SETX: variants seen among roughly 807,000 people sequenced by gnomAD.
SETX encodes the protein helicase senataxin.
SETX carries 90 observed loss-of-function variants against 227.2 expected under a neutral mutation model. That is an observed-to-expected ratio of 0.40 (90% confidence interval 0.33 to 0.47). The LOEUF is 0.47. Ranked by LOEUF, SETX falls within the 20% of genes least tolerant of loss-of-function variation. The probability of loss-of-function intolerance (pLI) is 0.91; values close to 1 mark genes in which losing one functional copy is unlikely to be tolerated. For missense variants in SETX, 3,052 were observed against 3,181.5 expected (o/e 0.96, Z 0.98); for synonymous variants, 1,210 against 1,113.2 (o/e 1.09, Z -1.73).
chr9:132,300,754 G>T lies in SETX; in HGVS notation c.5424C>A (p.Asn1808Lys). 6.2e-7 allele frequency: 1 copy of T among 1,613,320 alleles called. No individual in the cohort carries two copies. Reference protein sequence around the residue: ...ELAKQLYPKENDLVFLAPERI... With the variant: ...ELAKQLYPKEKDLVFLAPERI... ...TCTCAGGAGCTAAAAACACCAAATC[G>T]TTTTCCTTTGGATAAAGCTGTTTAG... is the stretch of plus-strand genomic sequence containing the variant. The change falls in exon 12 of 26, where the codon AAC becomes AAA. Residue 1808 changes from asparagine (N) to lysine (K), a missense_variant. Asn to Lys is a moderately conservative substitution (Grantham distance 94, BLOSUM62 0). Coordinates refer to ENST00000224140, the MANE Select transcript of SETX (RefSeq NM_015046.7).
At chr9:132,355,880 A>G (rs991369521), upstream of SETX, among the ~76,000 whole-genome samples, 9 of 150,210 alleles carry the variant, frequency 6.0e-5, no homozygotes, top group African/African-American at 2.2e-4. Flanking sequence ...CCAGCTACTC[A>G]GGAGGCTGAG....
In SETX at chr9:132,329,293, C is replaced by T; in HGVS notation, c.2305G>A (p.Asp769Asn). 4 of 1,613,836 alleles carry T rather than the reference C, an allele frequency of 2.5e-6. No individual in the cohort carries two copies. The highest frequency in any genetic ancestry group is 3.4e-6 in the Non-Finnish European group (4 of 1,179,878). The change falls in exon 10 of 26, where the codon GAT becomes AAT. Residue 769 changes from aspartate (D) to asparagine (N), a missense_variant. Physicochemically the swap from Asp to Asn is conservative, Grantham distance 23. Around this residue, in one of 10 missense-constraint regions of SETX, gnomAD observed 1,483 missense variants for 1,312.0 expected, o/e 1.13. Transcript: ENST00000224140. ...TTTGAGGTTTTAGCAAGAGCATCAT[C>T]CTTTAAAGAGAAATCTTCATTCGAT... ...STSNEDFSLK[D>N]DALAKTSKRK...
Position 132,327,993 on chromosome 9 carries a change from T to C in SETX, c.3605A>G (p.Asp1202Gly), listed in dbSNP as rs138167195. 1.6e-5 allele frequency: 26 copies of C among 1,613,748 alleles called. No individual in the cohort carries two copies. Among genetic ancestry groups the C allele is most frequent in the Non-Finnish European group, 1.9e-5 (22 of 1,179,950 alleles). The change falls in exon 10 of 26, where the codon GAT becomes GGT. Residue 1202 changes from aspartate (D) to glycine (G), a missense_variant. By Grantham distance (94) the Asp-to-Gly change is moderately conservative. Transcript: ENST00000224140. Reference sequence around the variant, plus strand: ...TGAATTGGGAGTTGAAGTCCTTCTATCAATACTTTTAAAATCATTTCCCAC... The same window carrying C: ...TGAATTGGGAGTTGAAGTCCTTCTACCAATACTTTTAAAATCATTTCCCAC... ...DLVGNDFKSIDRRTSTPNSRI... is the reference protein window; with the variant it reads ...DLVGNDFKSIGRRTSTPNSRI...
At position 132,327,916 on chromosome 9, in the gene SETX, T is replaced by C; in HGVS notation, c.3682A>G (p.Thr1228Ala). The change falls in exon 10 of 26, where the codon ACT becomes GCT. Residue 1228 changes from threonine (T) to alanine (A), a missense_variant. Thr to Ala is a moderately conservative substitution (Grantham distance 58). Around this residue, in one of 10 missense-constraint regions of SETX, gnomAD observed 1,483 missense variants for 1,312.0 expected, o/e 1.13. Coordinates refer to ENST00000224140, the MANE Select transcript of SETX (RefSeq NM_015046.7). The stretch of plus-strand genomic sequence containing the variant: ...ACTTTCCTGATGGGTTCTGTACAAG[T>C]ACAAAGCTTTGAAGACTTCTTTTGT... Reference protein sequence around the residue: ...VSQKKSSKLCTCTEPIRKVPV... With the variant: ...VSQKKSSKLCACTEPIRKVPV... 4 of 1,614,204 alleles carry C rather than the reference T, an allele frequency of 2.5e-6. No homozygotes were observed. The highest frequency in any genetic ancestry group is 1.7e-6 in the Non-Finnish European group (2 of 1,180,036).
At position 132,333,853 on chromosome 9, in the gene SETX, T is replaced by C. The variant is rs562258754; in HGVS notation, c.838+755A>G. 7.9e-5 allele frequency among the ~76,000 whole-genome samples: 12 copies of C among 152,324 alleles called. No individual in the cohort carries two copies. The East Asian group carries it at 9.6e-4, about 12-fold the overall frequency. On this transcript the variant is annotated intron_variant, in intron 7 of 25. Coordinates refer to ENST00000224140, the MANE Select transcript of SETX (RefSeq NM_015046.7). Reference sequence around the variant, plus strand: ...GATAGAGTACAGGCACGTGTGGCCATTGAGCCTTGAAATATGACTAGTGGG... The same window carrying C: ...GATAGAGTACAGGCACGTGTGGCCACTGAGCCTTGAAATATGACTAGTGGG...
rs543980125 is a variant in SETX at position 132,335,307 on chromosome 9, CG to C, written c.719-581del. On this transcript the variant is annotated intron_variant, in intron 6 of 25. Coordinates refer to ENST00000224140, the MANE Select transcript of SETX (RefSeq NM_015046.7). The stretch of plus-strand genomic sequence containing the variant: ...TCGGGAGGCTGAGGCAGGAGAATGG[CG>C]TGAACCCAGGAGGCGGATCTTGCAG... Among the ~76,000 whole-genome samples, 34 of 132,662 alleles carry C rather than the reference CG, an allele frequency of 2.6e-4. 1 individual carries two copies. The East Asian group carries it at 8.2e-3, about 32-fold the overall frequency. 87.0% of individuals were successfully genotyped at this position (132,662 alleles called of 152,430 possible).
chr9:132,305,144 G>A (rs113733549), intron 11 of SETX, among the ~76,000 whole-genome samples: 1 of 151,754 alleles, frequency 6.6e-6, no homozygotes, highest in Non-Finnish European at 1.5e-5. Context: ...CACGAGGTTA[G>A]GAGATCAAGA....
At chr9:132,332,232 ACTAT>A (rs1847280144) in intron 7 of SETX, among the ~76,000 whole-genome samples, 2 of 152,226 alleles carry the variant, frequency 1.3e-5, no homozygotes, top group Non-Finnish European at 2.9e-5. Context: ...ATAATCATAC[ACTAT>A]CTACAGCACA....
At chr9:132,286,226 C>A (rs575623331) in intron 18 of SETX, among the ~76,000 whole-genome samples, 197 bp downstream of exon 18, 88 of 150,912 alleles carry the variant, frequency 5.8e-4, no homozygotes, top group Non-Finnish European at 1.0e-3. Context: ...GTGGTGCACG[C>A]CTGTAATCCC....
chr9:132,270,380 C>T (rs1045790426), intron 24 of SETX, among the ~76,000 whole-genome samples: 2 of 151,796 alleles, frequency 1.3e-5, no homozygotes, highest in East Asian at 3.9e-4. Context: ...CACAGATGGA[C>T]TCTAGAATGA....
intron 1 of SETX, among the ~76,000 whole-genome samples, chr9:132,354,379 C>T (rs1337250298): frequency 6.6e-6 from 1 of 151,722 alleles, no homozygotes; most frequent in East Asian, 1.9e-4. Context: ...GCCTATGGTC[C>T]CAGTTACTCG....
chr9:132,327,338 T>C lies in SETX; in HGVS notation c.4260A>G (p.Glu1420=). Residue 1420 remains glutamate (E), a synonymous_variant, in exon 10 of 26, where the codon GAA becomes GAG. Coordinates refer to ENST00000224140, the MANE Select transcript of SETX (RefSeq NM_015046.7). Reference sequence around the variant, plus strand: ...CATGTTTTGCTTTTATGGTTTCTGGTTCAGAAGGCATGCATTTTATTAACT... The same window carrying C: ...CATGTTTTGCTTTTATGGTTTCTGGCTCAGAAGGCATGCATTTTATTAACT... ...RKQLIKCMPS[E]PETIKAKHGS... 1.2e-6 allele frequency: 2 copies of C among 1,614,240 alleles called. No homozygotes were observed. The highest frequency in any genetic ancestry group is 1.7e-6 in the Non-Finnish European group (2 of 1,180,038).
intron 23 of SETX, 36 bp from the exon 24 acceptor site, chr9:132,271,844 G>T: frequency 6.4e-7 from 1 of 1,556,492 alleles, no homozygotes; most frequent in South Asian, 1.1e-5. Context: ...ACTGGAAAAA[G>T]GAAGATAATT....
chr9:132,306,346 G>C (rs1845334746), intron 11 of SETX, among the ~76,000 whole-genome samples: 2 of 152,116 alleles, frequency 1.3e-5, no homozygotes, highest in African/African-American at 4.8e-5. Flanking sequence ...CCTAATAGCT[G>C]GGATTACAGA....
At chr9:132,320,100 C>T (rs1321501539) in intron 10 of SETX, among the ~76,000 whole-genome samples, 1 of 152,192 alleles carries the variant, frequency 6.6e-6, no homozygotes, top group African/African-American at 2.4e-5. Flanking sequence ...AAAAATTCTT[C>T]TTCCCGTCAC....
intron 14 of SETX, among the ~76,000 whole-genome samples, chr9:132,296,370 T>A (rs2131286804): frequency 6.6e-6 from 1 of 152,170 alleles, no homozygotes; most frequent in East Asian, 1.9e-4. Flanking sequence ...CTGGCCAACA[T>A]GGCGAAACCC....
In SETX at chr9:132,327,624, T is replaced by C. The variant is rs1224791323; in HGVS notation, c.3974A>G (p.Lys1325Arg). The C allele has an allele frequency of 2.5e-6, 4 of 1,613,978 alleles. No homozygotes were observed. The highest frequency in any genetic ancestry group is 3.4e-6 in the Non-Finnish European group (4 of 1,179,980). ...KTVGVVDTRK[K>R]TKLISPQNLS... ...GTTCTGAGGAGAAATTAATTTAGTCTTTTTTCGGGTATCAACTACTCCAAC... is the reference window on the plus strand; with the variant it reads ...GTTCTGAGGAGAAATTAATTTAGTCCTTTTTCGGGTATCAACTACTCCAAC... The change falls in exon 10 of 26, where the codon AAG becomes AGG. Residue 1325 changes from lysine (K) to arginine (R), a missense_variant. By Grantham distance (26) the Lys-to-Arg change is conservative. Around this residue, in one of 10 missense-constraint regions of SETX, gnomAD observed 1,483 missense variants for 1,312.0 expected, o/e 1.13. Coordinates refer to ENST00000224140, the MANE Select transcript of SETX (RefSeq NM_015046.7).
At chr9:132,306,893 T>C (rs1019476008) in intron 11 of SETX, among the ~76,000 whole-genome samples, 1 of 152,242 alleles carries the variant, frequency 6.6e-6, no homozygotes, top group Non-Finnish European at 1.5e-5. Flanking sequence ...TTATCTATTT[T>C]ATTAGGTATA....
intron 25 of SETX, among the ~76,000 whole-genome samples, chr9:132,268,520 G>C (rs1331378701): frequency 1.3e-5 from 2 of 152,184 alleles, no homozygotes; most frequent in Non-Finnish European, 2.9e-5. Flanking sequence ...AGAAATTTTT[G>C]TGAGAGAGGT....
Sources: allele counts gnomAD v4.1 joint callset (sites outside exome capture counted in the v4.1 genomes callset), GRCh38; gene constraint gnomAD v4.1.1; regional missense constraint gnomAD v4.1.1; transcripts MANE v1.5; gene names NCBI Gene and HGNC (gene_info 2026-07-23, HGNC 2026-07-21).